Variants in GRM8 observed in about 807,000 individuals in gnomAD.
GRM8 encodes metabotropic glutamate receptor 8.
A neutral mutation model predicts 87.2 loss-of-function variants in GRM8; 47 were observed. That is an observed-to-expected ratio of 0.54 (90% CI 0.43 to 0.69). The LOEUF is 0.69. Among genes scored for constraint, GRM8 ranks in the 30% least tolerant of loss-of-function variants. The probability of loss-of-function intolerance (pLI) is 0.00; values close to 1 mark genes in which losing one functional copy is unlikely to be tolerated. For missense variants in GRM8, 1,019 were observed against 1,139.2 expected, an observed-to-expected ratio of 0.89 and a Z score of 1.52; for synonymous variants, 396 against 404.5, an observed-to-expected ratio of 0.98 and a Z score of 0.25.
intron 6 of GRM8, among the ~76,000 whole-genome samples, chr7:126,828,025 C>T (rs989190774): frequency 4.0e-4 from 61 of 152,220 alleles, no homozygotes; most frequent in African/African-American, 8.7e-4. Flanking sequence ...TGTTGATTTG[C>T]GTATATTGAA....
At chr7:127,182,632 G>GGGGTGT (rs1290363826) in intron 2 of GRM8, among the ~76,000 whole-genome samples, 1 of 141,720 alleles carries the variant, frequency 7.1e-6, no homozygotes, top group East Asian at 2.2e-4. Context: ...AAGAAAGTGT[G>GGGGTGT]GTGTGTGTGT....
intron 10 of GRM8, 181 bp downstream of exon 10, chr7:126,445,945 G>T (rs563280328): frequency 3.0e-6 from 2 of 674,752 alleles, no homozygotes; most frequent in Non-Finnish European, 5.1e-6. Flanking sequence ...TAGAACAGCC[G>T]CTCATCTTGA....
At chr7:126,586,361 T>C (rs1470308417) in intron 8 of GRM8, among the ~76,000 whole-genome samples, 7 of 152,148 alleles carry the variant, frequency 4.6e-5, no homozygotes, top group Admixed American at 4.6e-4. Flanking sequence ...AAAAAGAGCC[T>C]GCATTGCCAA....
At chr7:127,133,822 A>G (rs996151831) in intron 2 of GRM8, among the ~76,000 whole-genome samples, 2 of 151,952 alleles carry the variant, frequency 1.3e-5, no homozygotes, top group Admixed American at 6.6e-5. Flanking sequence ...CTACTGAATG[A>G]CAAAGTAGTC....
intron 3 of GRM8, among the ~76,000 whole-genome samples, chr7:126,944,929 T>G (rs1465669243): frequency 6.6e-6 from 1 of 152,230 alleles, no homozygotes; most frequent in African/African-American, 2.4e-5. Flanking sequence ...AACAACGTGA[T>G]GTCATTTCAC....
intron 6 of GRM8, among the ~76,000 whole-genome samples, chr7:126,843,496 G>T (rs1352346050): frequency 6.6e-6 from 1 of 152,298 alleles, no homozygotes; most frequent in African/African-American, 2.4e-5. Flanking sequence ...TTTCAGTTGG[G>T]TCTTCATAGC....
intron 6 of GRM8, among the ~76,000 whole-genome samples, chr7:126,858,977 C>G (rs949707307): frequency 6.6e-6 from 1 of 151,922 alleles, no homozygotes; most frequent in Admixed American, 6.6e-5. Context: ...TCTAATGTGT[C>G]CCTCCACCCC....
chr7:126,911,085 A>G (rs893417440), intron 3 of GRM8, among the ~76,000 whole-genome samples: 7 of 152,188 alleles, frequency 4.6e-5, no homozygotes, highest in African/African-American at 1.7e-4. Context: ...AAGAATCATC[A>G]CCAACACTGA....
chr7:126,640,258 T>C (rs2027989), intron 7 of GRM8, among the ~76,000 whole-genome samples: 46,833 of 152,068 alleles, frequency 0.31, 8,090 homozygotes, highest in East Asian at 0.43. Context: ...GTTCATGAGG[T>C]GTTAAGAAGG....
chr7:126,498,575 C>T (rs1809134223), intron 9 of GRM8, among the ~76,000 whole-genome samples: 1 of 151,964 alleles, frequency 6.6e-6, no homozygotes, highest in Non-Finnish European at 1.5e-5. Flanking sequence ...ACACAGGAGG[C>T]AGTAAGTCTC....
At position 127,166,353 on chromosome 7, in the gene GRM8, A is replaced by G. The variant is rs74739760; in HGVS notation, c.511-59641T>C. Among the ~76,000 whole-genome samples, 391 of 152,318 alleles carry G rather than the reference A, an allele frequency of 2.6e-3. 4 individuals carry two copies. Among genetic ancestry groups the G allele is most frequent in the African/African-American group, 8.1e-3 (338 of 41,582 alleles). On this transcript the variant is annotated intron_variant, in intron 2 of 10. Transcript: ENST00000339582. ...AAAACATAAAAGGCTCAGAAATTAA[A>G]TTCTTAAGATTAAGGAATTCACTTA...
chr7:126,948,479 G>T (rs1193501676), intron 3 of GRM8, among the ~76,000 whole-genome samples: 1 of 149,348 alleles, frequency 6.7e-6, no homozygotes, highest in South Asian at 2.2e-4. Flanking sequence ...GGAAGAAATA[G>T]GCAAGAACAG....
chr7:127,188,431 C>T (rs947353641), intron 2 of GRM8, among the ~76,000 whole-genome samples: 4 of 152,144 alleles, frequency 2.6e-5, no homozygotes, highest in African/African-American at 9.7e-5. Flanking sequence ...CACCCCTACC[C>T]CATGCCGATG....
At chr7:127,165,266 G>T (rs2116265722) in intron 2 of GRM8, among the ~76,000 whole-genome samples, 1 of 146,134 alleles carries the variant, frequency 6.8e-6, no homozygotes, top group East Asian at 2.1e-4. Context: ...ATGATTTTTG[G>T]TACAGTGGAC....
At chr7:126,914,898 T>C (rs1322469820) in intron 3 of GRM8, among the ~76,000 whole-genome samples, 1 of 152,160 alleles carries the variant, frequency 6.6e-6, no homozygotes, top group Non-Finnish European at 1.5e-5. Context: ...AACCTGCTCA[T>C]GTACCCCCCC....
At chr7:126,989,881 G>C (rs1165540191) in intron 3 of GRM8, among the ~76,000 whole-genome samples, 5 of 152,096 alleles carry the variant, frequency 3.3e-5, no homozygotes, top group Non-Finnish European at 7.4e-5. Flanking sequence ...AGGATCACCT[G>C]AGCCCAGGAG....
chr7:126,663,894 T>C (rs1213320347), intron 7 of GRM8, among the ~76,000 whole-genome samples: 1 of 152,140 alleles, frequency 6.6e-6, no homozygotes, highest in African/African-American at 2.4e-5. Context: ...TAGAAAACCA[T>C]CTCAGACTCC....
intron 7 of GRM8, among the ~76,000 whole-genome samples, chr7:126,706,853 T>C (rs1435568338): frequency 6.6e-6 from 1 of 152,190 alleles, no homozygotes; most frequent in East Asian, 1.9e-4. Flanking sequence ...TGGTCCTCCT[T>C]ATTCAATAGT....
chr7:126,573,506 A>C (rs942979828), intron 8 of GRM8, among the ~76,000 whole-genome samples: 1 of 152,184 alleles, frequency 6.6e-6, no homozygotes, highest in African/African-American at 2.4e-5. Context: ...AAATATACAA[A>C]GCAAGCTTTG....
Sources: allele counts gnomAD v4.1 joint callset (sites outside exome capture counted in the v4.1 genomes callset), GRCh38; gene constraint gnomAD v4.1.1; transcripts MANE v1.5; gene names NCBI Gene and HGNC (gene_info 2026-07-23, HGNC 2026-07-21).